PDGFRA: variants seen among roughly 807,000 people sequenced by gnomAD.
PDGFRA encodes the protein platelet derived growth factor receptor alpha, also known as platelet-derived growth factor receptor alpha.
A neutral mutation model predicts 121.5 loss-of-function variants in PDGFRA; 25 were observed. That is an observed-to-expected ratio of 0.21 (90% confidence interval 0.15 to 0.29). The LOEUF (loss-of-function observed/expected upper bound fraction) is 0.29. Among genes scored for constraint, PDGFRA ranks in the 10% least tolerant of loss-of-function variants. The probability of loss-of-function intolerance (pLI) is 1.00; values close to 1 mark genes in which losing one functional copy is unlikely to be tolerated. For synonymous variants in PDGFRA, 463 were observed against 494.8 expected (o/e 0.94, Z 0.85); for missense variants, 1,008 against 1,345.1 (o/e 0.75, Z 3.92).
chr4:54,251,618 A>G (rs1009342445), intron 1 of PDGFRA, among the ~76,000 whole-genome samples: 5 of 152,172 alleles, frequency 3.3e-5, no homozygotes, highest in African/African-American at 7.2e-5. Context: ...AAAAGCCACT[A>G]TGGAAAACTG....
Position 54,258,891 on chromosome 4 carries a change from A to T in PDGFRA, c.49+74A>T, listed in dbSNP as rs2303430. On this transcript the variant is annotated intron_variant, in intron 2 of 22. Transcript: ENST00000257290. ...TTTAAGCTTTGTGCTGCATGGGTTTATTACCAGTACTCTGCATACACAGTC... is the reference window on the plus strand; with the variant it reads ...TTTAAGCTTTGTGCTGCATGGGTTTTTTACCAGTACTCTGCATACACAGTC... 0.29 allele frequency: 340,290 copies of T among 1,192,380 alleles called. 52,092 individuals are homozygous for T. The highest frequency in any genetic ancestry group is 0.49 in the East Asian group (20,980 of 43,054). 73.9% of individuals were successfully genotyped at this position (1,192,380 alleles called of 1,614,324 possible).
At chr4:54,288,942 G>A (rs1724492009) in intron 20 of PDGFRA, 44 bp downstream of exon 20, 1 of 1,534,770 alleles carries the variant, frequency 6.5e-7, no homozygotes, top group African/African-American at 1.4e-5. Flanking sequence ...CACAGTCTGT[G>A]GGTCTAGGGG....
chr4:54,244,912 A>G (rs542890910), intron 1 of PDGFRA, among the ~76,000 whole-genome samples: 1 of 152,364 alleles, frequency 6.6e-6, no homozygotes, highest in African/African-American at 2.4e-5. Context: ...CAAGAACTAC[A>G]TGAAGAATGC....
Position 54,297,985 on chromosome 4 carries a change from A to G in PDGFRA, c.*2713A>G. Reference sequence around the variant, plus strand: ...ACAAGCTGTATCACTGCCTTCGTTTATATTTTTTTAACTGTGATAATCCCC... The same window carrying G: ...ACAAGCTGTATCACTGCCTTCGTTTGTATTTTTTTAACTGTGATAATCCCC... On this transcript the variant is annotated 3_prime_UTR_variant, in exon 23 of 23. Transcript: ENST00000257290. The G allele has an allele frequency of 4.3e-6, 1 of 231,792 alleles. No individual in the cohort carries two copies. Among genetic ancestry groups the G allele is most frequent in the East Asian group, 6.2e-5 (1 of 16,244 alleles). 14.4% of individuals were successfully genotyped at this position (231,792 alleles called of 1,614,324 possible).
Position 54,288,909 on chromosome 4 carries a change from T to A in PDGFRA, c.2774+11T>A. 6.3e-7 allele frequency: 1 copy of A among 1,590,552 alleles called. No homozygotes were observed. Among genetic ancestry groups the A allele is most frequent in the Non-Finnish European group, 8.6e-7 (1 of 1,158,488 alleles). On this transcript the variant is annotated intron_variant, in intron 20 of 22. Transcript: ENST00000257290. ...CGCTACCAGTGAAGTGTGAGCTCCT[T>A]CCCCATCCCGGGGGCCTGTGTTCAC...
chr4:54,248,539 T>C (rs1268985713), intron 1 of PDGFRA, among the ~76,000 whole-genome samples: 26 of 152,168 alleles, frequency 1.7e-4, no homozygotes, highest in Admixed American at 1.6e-3. Flanking sequence ...CTGGATCCCT[T>C]CCTTACACCT....
At chr4:54,282,049 A>ATG (rs1344127098) in intron 16 of PDGFRA, 6 of 794,148 alleles carry the variant, frequency 7.6e-6, no homozygotes, top group African/African-American at 1.9e-5. Flanking sequence ...GTTTATGTGT[A>ATG]TGTGTGTTTT....
chr4:54,270,571 T>G, intron 7 of PDGFRA, 62 bp from the exon 8 acceptor site: 2 of 876,362 alleles, frequency 2.3e-6, no homozygotes, highest in Non-Finnish European at 3.9e-6. Context: ...AGAGTACAAT[T>G]GTTTAAACAA....
chr4:54,230,980 A>G (rs1269385113), intron 1 of PDGFRA, among the ~76,000 whole-genome samples: 1 of 152,202 alleles, frequency 6.6e-6, no homozygotes, highest in Non-Finnish European at 1.5e-5. Context: ...CAACCCGAGT[A>G]CGTTGCCAGA....
At chr4:54,277,198 C>G in intron 12 of PDGFRA, 190 bp from the exon 13 acceptor site, 2 of 645,468 alleles carry the variant, frequency 3.1e-6, no homozygotes, top group Non-Finnish European at 5.7e-6. Flanking sequence ...TCGACAAAAG[C>G]AATTATGCTA....
intron 1 of PDGFRA, 99 bp downstream of exon 1, chr4:54,229,514 A>AT: frequency 1.3e-5 from 5 of 377,650 alleles, no homozygotes; most frequent in South Asian, 1.5e-4. Context: ...TTGGGCGACA[A>AT]GAAAAAAAAA....
At chr4:54,277,014 G>C (rs562767697) in intron 12 of PDGFRA, among the ~76,000 whole-genome samples, 1 of 152,276 alleles carries the variant, frequency 6.6e-6, no homozygotes, top group Admixed American at 6.5e-5. Context: ...AGATGCCCCT[G>C]TTTGCATATG....
intron 1 of PDGFRA, among the ~76,000 whole-genome samples, chr4:54,241,376 CTGAT>C (rs1281247099): frequency 6.6e-6 from 1 of 151,874 alleles, no homozygotes; most frequent in Non-Finnish European, 1.5e-5. Context: ...GGTAGAATGA[CTGAT>C]TGTTTAGAAA....
Position 54,295,436 on chromosome 4 carries a change from G to A in PDGFRA, c.*164G>A, listed in dbSNP as rs191352173. 69 of 647,924 alleles carry A rather than the reference G, an allele frequency of 1.1e-4. No homozygotes were observed. The highest frequency in any genetic ancestry group is 1.3e-4 in the Non-Finnish European group (47 of 368,730). The allele number at this position is 647,924 out of a possible 1,614,324, so 40.1% of individuals were successfully genotyped here. ...GAGCGTTCTAAATATGAATGAATGGGATATTTTGAAATGAACTTTGTCAGT... is the reference window on the plus strand; with the variant it reads ...GAGCGTTCTAAATATGAATGAATGGAATATTTTGAAATGAACTTTGTCAGT... On this transcript the variant is annotated 3_prime_UTR_variant, in exon 23 of 23. Coordinates refer to ENST00000257290, the MANE Select transcript of PDGFRA (RefSeq NM_006206.6).
In PDGFRA at chr4:54,258,821, C is replaced by T. The variant is rs756252598; in HGVS notation, c.49+4C>T. The T allele has an allele frequency of 6.8e-6, 11 of 1,612,316 alleles. No homozygotes were observed. Among genetic ancestry groups the T allele is most frequent in the East Asian group, 2.2e-5 (1 of 44,878 alleles). On this transcript the variant is annotated splice_donor_region_variant and intron_variant, in intron 2 of 22. Coordinates refer to ENST00000257290, the MANE Select transcript of PDGFRA (RefSeq NM_006206.6). ...GTCTTAGGCTGTCTTCTCACAGGTA[C>T]GGAGCCCAGTCCTCTCTGAGTTCCT...
chr4:54,285,771 G>C (rs1724324133), intron 17 of PDGFRA, 70 bp from the exon 18 acceptor site: 1 of 1,501,492 alleles, frequency 6.7e-7, no homozygotes, highest in Non-Finnish European at 9.1e-7. Context: ...GGATCAGCCA[G>C]TCTTGCAGGG....
intron 21 of PDGFRA, 42 bp from the exon 22 acceptor site, chr4:54,290,271 G>T (rs751401486): frequency 6.5e-7 from 1 of 1,535,326 alleles, no homozygotes; most frequent in Non-Finnish European, 9.0e-7. Context: ...TTGAGGTTTG[G>T]TTGTTAACAC....
At chr4:54,249,680 G>T (rs6554165) in intron 1 of PDGFRA, among the ~76,000 whole-genome samples, 1 of 151,654 alleles carries the variant, frequency 6.6e-6, no homozygotes, top group Admixed American at 6.6e-5. Flanking sequence ...GATATACCTC[G>T]TGCTAAATGA....
intron 5 of PDGFRA, 24 bp downstream of exon 5, chr4:54,265,073 T>C (rs1415708967): frequency 6.2e-7 from 1 of 1,612,488 alleles, no homozygotes; most frequent in Admixed American, 1.7e-5. Flanking sequence ...AAACGTGCAA[T>C]GGCTTGGAGC....
Sources: allele counts gnomAD v4.1 joint callset (sites outside exome capture counted in the v4.1 genomes callset), GRCh38; gene constraint gnomAD v4.1.1; transcripts MANE v1.5; gene names NCBI Gene and HGNC (gene_info 2026-07-23, HGNC 2026-07-21).